Variants in ATP9A observed in about 807,000 individuals in gnomAD.
The protein encoded by ATP9A is ATPase phospholipid transporting 9A.
A neutral mutation model predicts 144.1 loss-of-function variants in ATP9A; 52 were observed. The ratio of observed to expected loss-of-function variants is 0.36; its 90% CI spans 0.29 to 0.45. ATP9A has a LOEUF of 0.45. ATP9A is among the 20% of genes least tolerant of loss of function. The pLI, the probability that ATP9A is intolerant of heterozygous loss-of-function variation, is 1.00. For synonymous variants in ATP9A, 582 were observed against 557.4 expected (o/e 1.04, Z -0.62); for missense variants, 947 against 1,392.7 (o/e 0.68, Z 5.09).
chr20:51,611,984 C>T lies in ATP9A; in HGVS notation c.2571+1693G>A, dbSNP rs1164610094. Among the ~76,000 whole-genome samples, 3 of 152,190 alleles carry T rather than the reference C, an allele frequency of 2.0e-5. No individual in the cohort carries two copies. In the East Asian group the frequency reaches 5.8e-4, roughly 29 times the overall value. On this transcript the variant is annotated intron_variant, in intron 23 of 27. Coordinates refer to ENST00000338821, the MANE Select transcript of ATP9A (RefSeq NM_006045.3). This position sits in a 1 kb window ranked among gnomAD's most constrained non-coding sequence, Gnocchi z 4.2. The stretch of plus-strand genomic sequence containing the variant: ...TACCTGATACATTGTACAAGGCAGA[C>T]CGCCTTTCAAGTATGATTAAACATT...
At chr20:51,621,949 A>G (rs2077228577) in intron 19 of ATP9A, 125 bp downstream of exon 19, 3 of 798,666 alleles carry the variant, frequency 3.8e-6, no homozygotes, top group Non-Finnish European at 6.2e-6. Context: ...ACCGTGGTTG[A>G]TGCTCCCCAC....
intron 13 of ATP9A, among the ~76,000 whole-genome samples, chr20:51,663,896 G>T (rs1192159754): frequency 6.6e-6 from 1 of 151,980 alleles, no homozygotes; most frequent in Non-Finnish European, 1.5e-5. Context: ...CAGTACTGAT[G>T]AACTGAGTGC....
rs115924898 is a variant in ATP9A at position 51,736,319 on chromosome 20, T to G, written c.69-6341A>C. 9.4e-3 allele frequency among the ~76,000 whole-genome samples: 1,426 copies of G among 152,290 alleles called. 17 individuals carry two copies. Among genetic ancestry groups the G allele is most frequent in the African/African-American group, 0.032 (1,341 of 41,544 alleles). ...TCTAGATGTTACTCCATACACAGTG[T>G]GGATCATTTGAAGGTTATAAGCAGG... is the stretch of plus-strand genomic sequence containing the variant. On this transcript the variant is annotated intron_variant, in intron 1 of 27. Coordinates refer to ENST00000338821, the MANE Select transcript of ATP9A (RefSeq NM_006045.3).
chr20:51,723,758 T>C (rs1035273912), intron 3 of ATP9A, among the ~76,000 whole-genome samples: 4 of 151,876 alleles, frequency 2.6e-5, no homozygotes, highest in Non-Finnish European at 4.4e-5. Context: ...GGTTTCACCA[T>C]GTTGGCCAGG....
chr20:51,722,623 CA>C (rs1182706140), intron 3 of ATP9A, among the ~76,000 whole-genome samples: 12 of 152,266 alleles, frequency 7.9e-5, no homozygotes, highest in African/African-American at 2.9e-4. Flanking sequence ...CAGGGAAATG[CA>C]AATCGAAACC....
Position 51,713,025 on chromosome 20 carries a change from CG to C in ATP9A, c.376del (p.Arg126AspfsTer23). 1 of 1,613,286 alleles carries C rather than the reference CG, an allele frequency of 6.2e-7. No individual in the cohort carries two copies. Among genetic ancestry groups the C allele is most frequent in the Non-Finnish European group, 8.5e-7 (1 of 1,179,712 alleles). ...TVIREAVEEI[R>X]CYVRDKEVNS... ...GACTTCCTTGTCCCGCACGTAGCAT[CG>C]GATCTCCTCCACCGCCTCACGGATG... On this transcript the variant is annotated frameshift_variant, in exon 4 of 28. Transcript: ENST00000338821. LOFTEE classifies it high-confidence loss of function.
In ATP9A at chr20:51,625,180, A is replaced by C; in HGVS notation, c.2016+12T>G. 1 of 1,604,904 alleles carries C rather than the reference A, an allele frequency of 6.2e-7. No homozygotes were observed. Among genetic ancestry groups the C allele is most frequent in the Non-Finnish European group, 8.5e-7 (1 of 1,177,022 alleles). On this transcript the variant is annotated intron_variant, in intron 18 of 27. Coordinates refer to ENST00000338821, the MANE Select transcript of ATP9A (RefSeq NM_006045.3). ...CCCTGGAGTGCCCTTCCCTGCGGGC[A>C]GCCCGCCCTACCTTGATGCCAGCAT...
At chr20:51,747,896 G>A (rs746382537) in intron 1 of ATP9A, among the ~76,000 whole-genome samples, 5 of 152,226 alleles carry the variant, frequency 3.3e-5, no homozygotes, top group African/African-American at 7.2e-5. Flanking sequence ...GGCATGCCCC[G>A]GAACCCTATG....
At chr20:51,620,802 G>A (rs6013234) in intron 19 of ATP9A, among the ~76,000 whole-genome samples, 46,238 of 151,908 alleles carry the variant, frequency 0.3, 7,234 homozygotes, top group Non-Finnish European at 0.34. Flanking sequence ...GGGGGAGTGC[G>A]TGAGCTTGTT....
chr20:51,608,611 G>A lies in ATP9A; in HGVS notation c.2652C>T (p.Tyr884=), dbSNP rs541275601. 4.3e-6 allele frequency: 7 copies of A among 1,611,730 alleles called. No homozygotes were observed. The highest frequency in any genetic ancestry group is 2.7e-5 in the African/African-American group (2 of 75,024). ...GFLIIGYSTI[Y]TMFPVFSLVL... Reference sequence around the variant, plus strand: ...CCAGAGAAAACACAGGAAACATGGTGTAAATTGTGGAGTACCTGGGAGAGA... The same window carrying A: ...CCAGAGAAAACACAGGAAACATGGTATAAATTGTGGAGTACCTGGGAGAGA... Residue 884 remains tyrosine (Y), a synonymous_variant, in exon 25 of 28, where the codon TAC becomes TAT. Coordinates refer to ENST00000338821, the MANE Select transcript of ATP9A (RefSeq NM_006045.3).
intron 9 of ATP9A, among the ~76,000 whole-genome samples, chr20:51,686,188 G>A (rs921948143): frequency 7.9e-5 from 12 of 152,094 alleles, no homozygotes; most frequent in Non-Finnish European, 1.3e-4. Flanking sequence ...GACACAGGGT[G>A]GGGAACATCA....
chr20:51,622,246 T>C (rs1021183559), intron 18 of ATP9A, 74 bp from the exon 19 acceptor site: 5 of 1,203,138 alleles, frequency 4.2e-6, no homozygotes, highest in Non-Finnish European at 4.9e-6. Context: ...CAGCTGAGTT[T>C]CCAACAACAT....
intron 8 of ATP9A, among the ~76,000 whole-genome samples, chr20:51,690,195 C>T (rs1209908198): frequency 6.3e-5 from 9 of 143,822 alleles, no homozygotes; most frequent in Non-Finnish European, 1.2e-4. Context: ...CCAAGGCGGG[C>T]GGATCACAAG....
chr20:51,690,917 A>T, intron 7 of ATP9A, 98 bp from the exon 8 acceptor site: 2 of 978,300 alleles, frequency 2.0e-6, no homozygotes, highest in Non-Finnish European at 3.2e-6. Flanking sequence ...TATTTCCCAC[A>T]CACAGCAAAT....
chr20:51,606,041 G>A (rs1185471099), intron 26 of ATP9A, among the ~76,000 whole-genome samples: 1 of 152,106 alleles, frequency 6.6e-6, no homozygotes, highest in East Asian at 1.9e-4. Flanking sequence ...AGGCCAAGGT[G>A]GGCGGATCAC....
chr20:51,762,070 T>C (rs924082374), intron 1 of ATP9A, among the ~76,000 whole-genome samples: 8 of 152,100 alleles, frequency 5.3e-5, no homozygotes, highest in Admixed American at 2.0e-4. Flanking sequence ...GACCCTGTGA[T>C]AACACTGGGC....
At chr20:51,755,872 G>A (rs558647292) in intron 1 of ATP9A, among the ~76,000 whole-genome samples, 4 of 151,782 alleles carry the variant, frequency 2.6e-5, no homozygotes, top group African/African-American at 9.7e-5. Flanking sequence ...GGAGAATGGC[G>A]TGAACCTGGG....
intron 24 of ATP9A, among the ~76,000 whole-genome samples, chr20:51,608,873 G>A (rs2077174070): frequency 6.6e-6 from 1 of 151,600 alleles, no homozygotes; most frequent in African/African-American, 2.4e-5. Context: ...CTCTATGTGT[G>A]TTAGAGAAGT....
At position 51,712,296 on chromosome 20, in the gene ATP9A, G is replaced by A. The variant is rs980583845; in HGVS notation, c.436+670C>T. Among the ~76,000 whole-genome samples the A allele has an allele frequency of 2.6e-5, 4 of 152,028 alleles. No homozygotes were observed. In the South Asian group the frequency reaches 8.3e-4, roughly 32 times the overall value. Reference sequence around the variant, plus strand: ...TCACCATGTTAGCCAGGATGGTCTCGATCTCCGGACCTTGTGATCAGCCCG... The same window carrying A: ...TCACCATGTTAGCCAGGATGGTCTCAATCTCCGGACCTTGTGATCAGCCCG... On this transcript the variant is annotated intron_variant, in intron 4 of 27. Transcript: ENST00000338821.
Sources: allele counts gnomAD v4.1 joint callset (sites outside exome capture counted in the v4.1 genomes callset), GRCh38; gene constraint gnomAD v4.1.1; non-coding constraint Gnocchi (gnomAD v3.1); transcripts MANE v1.5; gene names NCBI Gene and HGNC (gene_info 2026-07-23, HGNC 2026-07-21).